Variants in TMPRSS4 observed in about 807,000 individuals in gnomAD.
TMPRSS4 encodes the protein transmembrane serine protease 4.
Under a neutral mutation model 56.4 loss-of-function variants are expected in TMPRSS4, and 45 were observed. The ratio of observed to expected loss-of-function variants is 0.80; its 90% CI spans 0.63 to 1.02. The LOEUF (loss-of-function observed/expected upper bound fraction) is 1.02, where lower values mean the gene tolerates loss of function less well. Among genes scored for constraint, TMPRSS4 ranks in the 50% least tolerant of loss-of-function variants. TMPRSS4 has a pLI of 0.00. For synonymous variants in TMPRSS4, 205 were observed against 211.0 expected (o/e 0.97, Z 0.25); for missense variants, 546 against 556.7 (o/e 0.98, Z 0.19).
intron 1 of TMPRSS4, among the ~76,000 whole-genome samples, chr11:118,078,013 C>CAAAAAAA (rs148383275): frequency 2.9e-3 from 209 of 70,964 alleles, no homozygotes; most frequent in East Asian, 4.2e-3. Context: ...AACTCCGTCT[C>CAAAAAAA]AAAAAAAAAA....
chr11:118,091,464 C>T (rs1945957188), intron 1 of TMPRSS4, among the ~76,000 whole-genome samples: 1 of 152,064 alleles, frequency 6.6e-6, no homozygotes, highest in South Asian at 2.1e-4. Flanking sequence ...TAGCACCTAC[C>T]CCTCTCTGAT....
rs577796377 is a variant in TMPRSS4, at chr11:118,112,513, T to G, written c.743+613T>G. Among the ~76,000 whole-genome samples, 6 of 149,494 alleles carry G rather than the reference T, an allele frequency of 4.0e-5. No homozygotes were observed. The South Asian group carries it at 1.3e-3, about 33-fold the overall frequency. On this transcript the variant is annotated intron_variant, in intron 8 of 12. Coordinates refer to ENST00000437212, the MANE Select transcript of TMPRSS4 (RefSeq NM_019894.4). ...GTTCAAGCAATTCTCCTGCCTCAGC[T>G]TCCCAAGTAGCTGGGACTATAGGCA...
intron 5 of TMPRSS4, chr11:118,107,147 G>GA (rs1947035942): frequency 6.6e-6 from 1 of 152,206 alleles, no homozygotes; most frequent in African/African-American, 2.4e-5. Context: ...CCTGGAGGAG[G>GA]AAAAACTTCA....
intron 12 of TMPRSS4, chr11:118,117,668 G>T (rs1355208641): frequency 1.0e-6 from 1 of 985,266 alleles, no homozygotes; most frequent in Admixed American, 6.1e-5. Flanking sequence ...TTAGGGAATA[G>T]AACACACCAA....
At chr11:118,083,091 A>G (rs1199850616) in intron 1 of TMPRSS4, among the ~76,000 whole-genome samples, 3 of 151,054 alleles carry the variant, frequency 2.0e-5, no homozygotes, top group African/African-American at 7.3e-5. Flanking sequence ...CGAATCCCCC[A>G]GGGGTGCTCA....
Position 118,113,335 on chromosome 11 carries a change from C to A in TMPRSS4, c.810C>A (p.Ser270=). 1 of 1,614,170 alleles carries A rather than the reference C, an allele frequency of 6.2e-7. No homozygotes were observed. The highest frequency in any genetic ancestry group is 8.5e-7 in the Non-Finnish European group (1 of 1,180,030). Residue 270 remains serine (S), a synonymous_variant, in exon 9 of 13, where the codon TCC becomes TCA. Transcript: ENST00000437212. ...CAGACAAACTGGGCAGCTTCCCATCCCTGGCTGTGGCCAAGATCATCATCA... is the reference window on the plus strand; with the variant it reads ...CAGACAAACTGGGCAGCTTCCCATCACTGGCTGTGGCCAAGATCATCATCA... ...AGSDKLGSFP[S]LAVAKIIIIE...
chr11:118,115,397 G>A (rs1591411576), intron 11 of TMPRSS4, 117 bp downstream of exon 11: 3 of 1,263,014 alleles, frequency 2.4e-6, no homozygotes, highest in African/African-American at 1.5e-5. Flanking sequence ...GGCACTCAAT[G>A]TGTGATGATG....
intron 9 of TMPRSS4, among the ~76,000 whole-genome samples, 156 bp from the exon 10 acceptor site, chr11:118,114,673 G>A (rs1040197024): frequency 3.9e-5 from 6 of 152,186 alleles, no homozygotes; most frequent in African/African-American, 9.7e-5. Context: ...TATTAAAGGC[G>A]TGCCCAAAGC....
At chr11:118,096,923 GGAA>G (rs1946373629) in intron 2 of TMPRSS4, among the ~76,000 whole-genome samples, 1 of 19,096 alleles carries the variant, frequency 5.2e-5, no homozygotes, top group Non-Finnish European at 1.3e-4. Flanking sequence ...GAGAGAGAAA[GGAA>G]AGAAAGAAAG....
At chr11:118,093,823 C>CCT (rs901171974) in intron 1 of TMPRSS4, among the ~76,000 whole-genome samples, 1 of 151,266 alleles carries the variant, frequency 6.6e-6, no homozygotes, top group African/African-American at 2.4e-5. Flanking sequence ...TAACTGCCCC[C>CCT]CCCAATGGTA....
At chr11:118,079,279 A>C (rs1944944308) in intron 1 of TMPRSS4, among the ~76,000 whole-genome samples, 1 of 151,944 alleles carries the variant, frequency 6.6e-6, no homozygotes, top group Admixed American at 6.6e-5. Flanking sequence ...GGATCTCCAC[A>C]CCCAGGCTCA....
At chr11:118,103,008 G>A in intron 3 of TMPRSS4, 93 bp from the exon 4 acceptor site, 1 of 1,522,034 alleles carries the variant, frequency 6.6e-7, no homozygotes, top group Non-Finnish European at 8.9e-7. Context: ...ATGCGTGTCT[G>A]AGAGCCCAGC....
At chr11:118,100,444 A>G (rs1946675958) in intron 3 of TMPRSS4, among the ~76,000 whole-genome samples, 1 of 152,218 alleles carries the variant, frequency 6.6e-6, no homozygotes, top group South Asian at 2.1e-4. Flanking sequence ...CTCATTCTAC[A>G]TGAGCACTGA....
chr11:118,094,882 T>C lies in TMPRSS4; in HGVS notation c.43+27T>C, dbSNP rs368070089. ...TAAGTTCAGGTCCGGCTTTCATTCG[T>C]CCACCTTAGCCTCTGAGTTTCAGCT... On this transcript the variant is annotated intron_variant, in intron 2 of 12. Transcript: ENST00000437212. 1.2e-5 allele frequency: 20 copies of C among 1,608,262 alleles called. No individual in the cohort carries two copies. In the African/African-American group the frequency reaches 1.6e-4, roughly 13 times the overall value.
intron 3 of TMPRSS4, among the ~76,000 whole-genome samples, chr11:118,099,861 G>A (rs561453440): frequency 6.6e-6 from 1 of 152,278 alleles, no homozygotes; most frequent in South Asian, 2.1e-4. Context: ...CTGAGGCCCA[G>A]TGTGGTCTTG....
rs1441108879 is a variant in TMPRSS4, at chr11:118,121,422, G to A, written c.*3509G>A. ...CACCCAGACTGGAGTGCAGTGGCAG[G>A]ATCTTGGCTCACTGCTATCTCCACC... On this transcript the variant is annotated 3_prime_UTR_variant, in exon 13 of 13. Transcript: ENST00000437212. 6.6e-6 allele frequency: 1 copy of A among 152,112 alleles called. No individual in the cohort carries two copies. Among genetic ancestry groups the A allele is most frequent in the African/African-American group, 2.4e-5 (1 of 41,404 alleles). 9.4% of individuals were successfully genotyped at this position (152,112 alleles called of 1,614,324 possible). A position where few individuals can be genotyped will look rare whatever the true frequency, so the allele number is the denominator to read the frequency against.
At position 118,118,144 on chromosome 11, in the gene TMPRSS4, CA is replaced by C; in HGVS notation, c.*232del. 3.5e-6 allele frequency: 5 copies of C among 1,420,280 alleles called. No individual in the cohort carries two copies. The highest frequency in any genetic ancestry group is 4.6e-6 in the Non-Finnish European group (5 of 1,091,686). The allele number at this position is 1,420,280 out of a possible 1,614,324, so 88.0% of individuals were successfully genotyped here. The stretch of plus-strand genomic sequence containing the variant: ...GCTCGGCCACACTTGGTGCTCCCAG[CA>C]TCCCAGGGAGAGACACAGCCCACTG... On this transcript the variant is annotated 3_prime_UTR_variant, in exon 13 of 13. Coordinates refer to ENST00000437212, the MANE Select transcript of TMPRSS4 (RefSeq NM_019894.4).
At position 118,118,594 on chromosome 11, in the gene TMPRSS4, A is replaced by G; in HGVS notation, c.*681A>G. On this transcript the variant is annotated 3_prime_UTR_variant, in exon 13 of 13. Coordinates refer to ENST00000437212, the MANE Select transcript of TMPRSS4 (RefSeq NM_019894.4). ...AGGGGAAAAAAGAGTTAGGGAGACC[A>G]GATCTGCTGAGTGGCAGCAAGAGTG... 1 of 985,508 alleles carries G rather than the reference A, an allele frequency of 1.0e-6. No homozygotes were observed. The highest frequency in any genetic ancestry group is 1.2e-6 in the Non-Finnish European group (1 of 829,994). The allele number at this position is 985,508 out of a possible 1,614,324, so 61.0% of individuals were successfully genotyped here. A position where few individuals can be genotyped will look rare whatever the true frequency, so the allele number is the denominator to read the frequency against.
At chr11:118,103,849 G>A (rs1206805973) in intron 4 of TMPRSS4, among the ~76,000 whole-genome samples, 1 of 152,242 alleles carries the variant, frequency 6.6e-6, no homozygotes, top group Admixed American at 6.5e-5. Context: ...CAGGCAGAGG[G>A]CTAGACTGGG....
Sources: allele counts gnomAD v4.1 joint callset (sites outside exome capture counted in the v4.1 genomes callset), GRCh38; gene constraint gnomAD v4.1.1; transcripts MANE v1.5; gene names NCBI Gene and HGNC (gene_info 2026-07-23, HGNC 2026-07-21).